Variants in PPP5C observed in about 807,000 individuals in gnomAD.
The protein encoded by PPP5C is serine/threonine-protein phosphatase 5.
PPP5C carries 21 observed loss-of-function variants against 66.7 expected under a neutral mutation model. The observed-to-expected ratio is 0.31, with a 90% CI of 0.22 to 0.45. The LOEUF is 0.45. Among genes scored for constraint, PPP5C ranks in the 20% least tolerant of loss-of-function variants. The probability of loss-of-function intolerance (pLI) is 1.00; values close to 1 mark genes in which losing one functional copy is unlikely to be tolerated. For missense variants in PPP5C, 464 were observed against 675.9 expected (o/e 0.69, Z 3.48); for synonymous variants, 246 against 257.4 (o/e 0.96, Z 0.43).
Position 46,347,136 on chromosome 19 carries a change from C to G in PPP5C, c.40C>G (p.Pro14Ala). 1 of 1,603,764 alleles carries G rather than the reference C, an allele frequency of 6.2e-7. No homozygotes were observed. Among genetic ancestry groups the G allele is most frequent in the Non-Finnish European group, 8.5e-7 (1 of 1,175,492 alleles). The change falls in exon 1 of 13, where the codon CCC becomes GCC. Residue 14 changes from proline (P) to alanine (A), a missense_variant. Physicochemically the swap from Pro to Ala is conservative, Grantham distance 27. This residue lies in a region of PPP5C where 77 missense variants were observed against 49.9 expected (regional missense o/e 1.54). Transcript: ENST00000012443. ...AEGERTECAE[P>A]PRDEPPADGA... ...GGGCGAGAGGACTGAGTGTGCTGAG[C>G]CCCCCCGGGACGAACCCCCGGCTGA...
chr19:46,374,585 A>C (rs1972658159), intron 2 of PPP5C, among the ~76,000 whole-genome samples: 2 of 152,134 alleles, frequency 1.3e-5, no homozygotes, highest in African/African-American at 2.4e-5. Flanking sequence ...AATCGGGGTA[A>C]ATAAGGTTGC....
chr19:46,352,573 C>T (rs1323842905), intron 1 of PPP5C, among the ~76,000 whole-genome samples: 3 of 152,214 alleles, frequency 2.0e-5, no homozygotes, highest in Non-Finnish European at 2.9e-5. Context: ...GTAATCCCAG[C>T]ACTTTGGGAG....
Position 46,387,211 on chromosome 19 carries a change from C to G in PPP5C, c.1023C>G (p.Ala341=). The change falls in exon 8 of 13, where the codon GCC becomes GCG. Residue 341 remains alanine (A), a synonymous_variant. Transcript: ENST00000012443. ...AGGTGTTCGAGTGGCTCCCGTTGGC[C>G]CAGTGCATCAACGGCAAAGTGCTGG... ...FSEVFEWLPL[A]QCINGKVLIM... is the part of the protein sequence containing the mutation. 8.7e-6 allele frequency: 14 copies of G among 1,614,224 alleles called. No individual in the cohort carries two copies. Among genetic ancestry groups the G allele is most frequent in the Non-Finnish European group, 9.3e-6 (11 of 1,180,044 alleles).
chr19:46,363,160 T>C (rs1405356251), intron 2 of PPP5C, among the ~76,000 whole-genome samples: 2 of 142,822 alleles, frequency 1.4e-5, no homozygotes, highest in South Asian at 2.3e-4. Context: ...TACAAACAAT[T>C]AGCTGGGCAT....
At chr19:46,352,262 C>T (rs1972200003) in intron 1 of PPP5C, among the ~76,000 whole-genome samples, 1 of 152,142 alleles carries the variant, frequency 6.6e-6, no homozygotes, top group Non-Finnish European at 1.5e-5. Context: ...GAAGGACTCT[C>T]GGAGTGCTGT....
chr19:46,350,398 C>T (rs1376419364), intron 1 of PPP5C, among the ~76,000 whole-genome samples: 1 of 152,154 alleles, frequency 6.6e-6, no homozygotes, highest in Non-Finnish European at 1.5e-5. Flanking sequence ...GCTGAGGCCG[C>T]ATCAGAATTC....
In PPP5C at chr19:46,389,430, CACACACACACACACACACACACACACACA is replaced by C. The variant is rs1568579957; in HGVS notation, c.1356-620_1356-592del. On this transcript the variant is annotated intron_variant, in intron 11 of 12. Coordinates refer to ENST00000012443, the MANE Select transcript of PPP5C (RefSeq NM_006247.4). The stretch of plus-strand genomic sequence containing the variant: ...ACACACACACACACACACACACACA[CACACACACACACACACACACACACACACA>C]CAGTGTTGATCCCTTGCCCCCACCC... Among the ~76,000 whole-genome samples the C allele has an allele frequency of 2.2e-4, 18 of 81,198 alleles. 1 individual carries two copies. The highest frequency in any genetic ancestry group is 7.6e-4 in the African/African-American group (15 of 19,808). 53.3% of individuals were successfully genotyped at this position (81,198 alleles called of 152,430 possible).
At chr19:46,349,935 G>A (rs1026930200) in intron 1 of PPP5C, among the ~76,000 whole-genome samples, 9 of 151,088 alleles carry the variant, frequency 6.0e-5, no homozygotes, top group Middle Eastern at 3.2e-3. Context: ...GGGCCACAGC[G>A]TAGGAGGCTG....
intron 2 of PPP5C, among the ~76,000 whole-genome samples, chr19:46,372,766 C>G (rs1269335176): frequency 6.6e-6 from 1 of 152,244 alleles, no homozygotes; most frequent in Non-Finnish European, 1.5e-5. Flanking sequence ...GGCATAACTA[C>G]ATAAATATCA....
chr19:46,354,274 G>A (rs1216057301), intron 2 of PPP5C, among the ~76,000 whole-genome samples: 1 of 152,194 alleles, frequency 6.6e-6, no homozygotes, highest in African/African-American at 2.4e-5. Flanking sequence ...TAGCGGTGAG[G>A]AAAAGTGAGC....
At position 46,365,068 on chromosome 19, in the gene PPP5C, C is replaced by T. The variant is rs181693779; in HGVS notation, c.364-10536C>T. Among the ~76,000 whole-genome samples, 12 of 152,292 alleles carry T rather than the reference C, an allele frequency of 7.9e-5. No individual in the cohort carries two copies. In the East Asian group the frequency reaches 1.2e-3, roughly 15 times the overall value. On this transcript the variant is annotated intron_variant, in intron 2 of 12. Transcript: ENST00000012443. Reference sequence around the variant, plus strand: ...CGCAATCTCAGCTCCCTGCAACCTCCGCCTCCTGGGTTCAAGCAACTCTCT... The same window carrying T: ...CGCAATCTCAGCTCCCTGCAACCTCTGCCTCCTGGGTTCAAGCAACTCTCT...
chr19:46,350,309 A>G (rs1183364816), intron 1 of PPP5C, among the ~76,000 whole-genome samples: 2 of 152,200 alleles, frequency 1.3e-5, no homozygotes, highest in Admixed American at 1.3e-4. Flanking sequence ...AGAGGAGTCC[A>G]GGATGAGGCT....
At chr19:46,375,461 A>G in intron 2 of PPP5C, 143 bp from the exon 3 acceptor site, 1 of 1,284,344 alleles carries the variant, frequency 7.8e-7, no homozygotes, top group South Asian at 1.6e-5. Context: ...CGGCAGTTAA[A>G]TACGTCTAGG....
intron 2 of PPP5C, 66 bp downstream of exon 2, chr19:46,354,055 G>C (rs895306166): frequency 6.4e-7 from 1 of 1,566,088 alleles, no homozygotes; most frequent in Admixed American, 1.9e-5. Flanking sequence ...GGGCTGGCGG[G>C]GACGGGTGTG....
chr19:46,390,601 T>TG lies in PPP5C; in HGVS notation c.*259dup, dbSNP rs1973002700. 17 of 1,338,956 alleles carry TG rather than the reference T, an allele frequency of 1.3e-5. No homozygotes were observed. Among genetic ancestry groups the TG allele is most frequent in the Non-Finnish European group, 1.4e-5 (15 of 1,039,624 alleles). 82.9% of individuals were successfully genotyped at this position (1,338,956 alleles called of 1,614,324 possible). A position where few individuals can be genotyped will look rare whatever the true frequency, so the allele number is the denominator to read the frequency against. On this transcript the variant is annotated 3_prime_UTR_variant, in exon 13 of 13. Coordinates refer to ENST00000012443, the MANE Select transcript of PPP5C (RefSeq NM_006247.4). ...CTGGGGGCACAGCCTGGGCATTCTG[T>TG]GGGGAGGCCGTCCTCGGGGTGGGGT... is the stretch of plus-strand genomic sequence containing the variant.
At position 46,375,208 on chromosome 19, in the gene PPP5C, C is replaced by T. The variant is rs182206277; in HGVS notation, c.364-396C>T. Among the ~76,000 whole-genome samples the T allele has an allele frequency of 2.5e-4, 38 of 152,216 alleles. No homozygotes were observed. In the East Asian group the frequency reaches 5.8e-3, roughly 23 times the overall value. On this transcript the variant is annotated intron_variant, in intron 2 of 12. Transcript: ENST00000012443. ...GTGTGAGTCTGGGCTGTTCTGTGAC[C>T]GTAGACCCAGCCGGGCCCTTCCTCT...
At chr19:46,382,794 T>C in intron 4 of PPP5C, 1 of 1,017,354 alleles carries the variant, frequency 9.8e-7, no homozygotes, top group Non-Finnish European at 1.2e-6. Flanking sequence ...CTGACTAAGG[T>C]AGACAGTCCA....
chr19:46,358,289 T>C (rs1972322090), intron 2 of PPP5C, among the ~76,000 whole-genome samples: 1 of 152,188 alleles, frequency 6.6e-6, no homozygotes, highest in African/African-American at 2.4e-5. Flanking sequence ...TCATTAATAA[T>C]TAGTTCATCA....
chr19:46,390,186 G>A (rs781558779), intron 12 of PPP5C, 54 bp downstream of exon 12: 73 of 1,609,920 alleles, frequency 4.5e-5, no homozygotes, highest in Non-Finnish European at 6.0e-5. Flanking sequence ...GGGACAAGGA[G>A]GCTGAGACCC....
Sources: allele counts gnomAD v4.1 joint callset (sites outside exome capture counted in the v4.1 genomes callset), GRCh38; gene constraint gnomAD v4.1.1; regional missense constraint gnomAD v4.1.1; transcripts MANE v1.5; gene names NCBI Gene and HGNC (gene_info 2026-07-23, HGNC 2026-07-21).